The following LIPJ variants were observed in gnomAD, a reference collection of about 807,000 sequenced individuals.
The protein encoded by LIPJ is lipase member J.
LIPJ carries 33 observed loss-of-function variants against 39.8 expected under a neutral mutation model. The observed-to-expected ratio is 0.83, with a 90% CI of 0.63 to 1.11. LIPJ has a LOEUF of 1.11. LIPJ is among the 50% of genes least tolerant of loss of function. The pLI, the probability that LIPJ is intolerant of heterozygous loss-of-function variation, is 0.00. For synonymous variants in LIPJ, 128 were observed against 139.2 expected (o/e 0.92, Z 0.57); for missense variants, 422 against 427.9 (o/e 0.99, Z 0.12).
chr10:88,605,759 G>A, intron 10 of LIPJ, 55 bp downstream of exon 10: 1 of 1,109,730 alleles, frequency 9.0e-7, no homozygotes, highest in Non-Finnish European at 1.4e-6. Flanking sequence ...AGATAACTTT[G>A]CTATAGATCA....
upstream of LIPJ, chr10:88,584,208 G>A (rs1055548410): frequency 6.6e-6 from 1 of 151,890 alleles, no homozygotes; most frequent in African/African-American, 2.4e-5. Flanking sequence ...TGTATCAAAT[G>A]GGTGACGAAT....
Position 88,602,558 on chromosome 10 carries a change from T to G in LIPJ, c.724-18T>G, listed in dbSNP as rs763847557. ...CAACTTATATAAAAATGCTTTTTTT[T>G]TTTTTTTTACCCCTCAGAGTCGTTT... On this transcript the variant is annotated intron_variant, in intron 8 of 10. Coordinates refer to ENST00000371939, the Ensembl canonical transcript of LIPJ. 6.8e-7 allele frequency: 1 copy of G among 1,472,042 alleles called. No individual in the cohort carries two copies. Among genetic ancestry groups the G allele is most frequent in the South Asian group, 1.3e-5 (1 of 79,186 alleles). The allele number at this position is 1,472,042 out of a possible 1,614,324, so 91.2% of individuals were successfully genotyped here. A position where few individuals can be genotyped will look rare whatever the true frequency, so the allele number is the denominator to read the frequency against.
At chr10:88,607,414 C>A (rs188103420), downstream of LIPJ, among the ~76,000 whole-genome samples, 10 of 152,110 alleles carry the variant, frequency 6.6e-5, no homozygotes, top group Admixed American at 6.5e-4. Context: ...AGGCAAAGTC[C>A]CAGATGTAGG....
chr10:88,602,566 T>G lies in LIPJ; in HGVS notation c.724-10T>G. ...ATAAAAATGCTTTTTTTTTTTTTTT[T>G]ACCCCTCAGAGTCGTTTGGATGTGT... On this transcript the variant is annotated splice_polypyrimidine_tract_variant and intron_variant, in intron 8 of 10. Transcript: ENST00000371939. The G allele has an allele frequency of 7.0e-7, 1 of 1,434,632 alleles. No homozygotes were observed. Among genetic ancestry groups the G allele is most frequent in the Non-Finnish European group, 9.4e-7 (1 of 1,066,776 alleles). The allele number at this position is 1,434,632 out of a possible 1,614,324, so 88.9% of individuals were successfully genotyped here.
At chr10:88,598,374 T>C (rs1851332551) in intron 8 of LIPJ, among the ~76,000 whole-genome samples, 2 of 152,136 alleles carry the variant, frequency 1.3e-5, no homozygotes, top group South Asian at 2.1e-4. Context: ...CAAGTCATGA[T>C]GCAAGAAAAA....
chr10:88,610,003 C>T (rs1340826811), downstream of LIPJ, among the ~76,000 whole-genome samples: 1 of 152,036 alleles, frequency 6.6e-6, no homozygotes, highest in African/African-American at 2.4e-5. Flanking sequence ...TAAAAGCCCC[C>T]CAATTAATGG....
downstream of LIPJ, among the ~76,000 whole-genome samples, chr10:88,611,654 A>G (rs1056194298): frequency 1.3e-5 from 2 of 152,218 alleles, no homozygotes; most frequent in African/African-American, 4.8e-5. Context: ...TCGAACAGGC[A>G]GAAGAAAGAA....
the LIPJ span, among the ~76,000 whole-genome samples, chr10:88,612,437 C>A: frequency 1.3e-5 from 2 of 152,044 alleles, no homozygotes; most frequent in Non-Finnish European, 1.5e-5. Flanking sequence ...TACAGAATGG[C>A]AGAATGGGTA....
the LIPJ span, among the ~76,000 whole-genome samples, chr10:88,613,800 A>ATATATATATCTATATGTG: frequency 1.3e-5 from 1 of 74,156 alleles, no homozygotes; most frequent in South Asian, 4.7e-4. Context: ...ATATATATAT[A>ATATATATATCTATATGTG]TGTGTGTGTG....
At chr10:88,601,403 T>C (rs1003882427) in intron 8 of LIPJ, among the ~76,000 whole-genome samples, 2 of 151,964 alleles carry the variant, frequency 1.3e-5, no homozygotes, top group Non-Finnish European at 2.9e-5. Context: ...TGCCCATTTT[T>C]TGACTTTAGG....
chr10:88,615,190 C>T, the LIPJ span, among the ~76,000 whole-genome samples: 1 of 152,062 alleles, frequency 6.6e-6, no homozygotes, highest in Non-Finnish European at 1.5e-5. Context: ...TCAGGAACTT[C>T]AAAGGGATTG....
chr10:88,600,230 T>C (rs971183793), intron 8 of LIPJ, among the ~76,000 whole-genome samples: 1 of 152,182 alleles, frequency 6.6e-6, no homozygotes, highest in Non-Finnish European at 1.5e-5. Flanking sequence ...TTCTCAGCCA[T>C]TAGCATTTCA....
the LIPJ span, among the ~76,000 whole-genome samples, chr10:88,612,369 G>A: frequency 6.6e-6 from 1 of 151,892 alleles, no homozygotes; most frequent in Non-Finnish European, 1.5e-5. Flanking sequence ...AAAAAACAAG[G>A]TATTCATTTA....
chr10:88,615,179 A>G, the LIPJ span, among the ~76,000 whole-genome samples: 1 of 152,258 alleles, frequency 6.6e-6, no homozygotes, highest in African/African-American at 2.4e-5. Flanking sequence ...TTATATTAAA[A>G]TCAGGAACTT....
upstream of LIPJ, among the ~76,000 whole-genome samples, chr10:88,586,564 CT>C (rs1243246340): frequency 3.3e-5 from 5 of 152,138 alleles, no homozygotes; most frequent in Admixed American, 6.5e-5. Flanking sequence ...CAGTGACTCC[CT>C]AGTCCATTAA....
chr10:88,582,983 C>T (rs1564924069), upstream of LIPJ: 3 of 1,447,974 alleles, frequency 2.1e-6, no homozygotes, highest in East Asian at 2.5e-5. Context: ...AGCGTTTTCG[C>T]CTTAGACTTT....
intron 8 of LIPJ, among the ~76,000 whole-genome samples, chr10:88,602,208 G>A (rs1227056764): frequency 6.6e-6 from 1 of 151,618 alleles, no homozygotes; most frequent in East Asian, 1.9e-4. Flanking sequence ...CTTGTCTTTG[G>A]GGGTTCTTTA....
At chr10:88,597,932 T>C (rs1163174821) in intron 8 of LIPJ, among the ~76,000 whole-genome samples, 2 of 151,986 alleles carry the variant, frequency 1.3e-5, no homozygotes, top group Admixed American at 1.3e-4. Context: ...TATTTTTTTG[T>C]AATTATAATG....
intron 2 of LIPJ, among the ~76,000 whole-genome samples, chr10:88,588,578 A>T (rs1440928697): frequency 2.0e-5 from 3 of 151,898 alleles, no homozygotes; most frequent in Admixed American, 1.3e-4. Context: ...ATATGGATGA[A>T]AAAACACGTC....
Sources: gnomAD v4.1 joint callset for allele counts (sites outside exome capture counted in the v4.1 genomes callset) on GRCh38, gnomAD v4.1.1 for gene constraint, MANE v1.5 for transcripts, NCBI Gene and HGNC (gene_info 2026-07-23, HGNC 2026-07-21) for gene names.